PSD3: variants seen among roughly 807,000 people sequenced by gnomAD.
PSD3 encodes pleckstrin and Sec7 domain containing 3.
PSD3 carries 49 observed loss-of-function variants against 105.5 expected under a neutral mutation model. That is an observed-to-expected ratio of 0.46 (90% CI 0.37 to 0.59). The LOEUF (loss-of-function observed/expected upper bound fraction) is 0.59. PSD3 is among the 20% of genes least tolerant of loss of function. PSD3 has a pLI of 0.00. For missense variants in PSD3, 1,561 were observed against 1,263.8 expected (o/e 1.24, Z -3.57); for synonymous variants, 557 against 457.8 (o/e 1.22, Z -2.77).
chr8:18,840,932 T>G (rs1383439936), intron 4 of PSD3, among the ~76,000 whole-genome samples: 3 of 152,232 alleles, frequency 2.0e-5, no homozygotes, highest in Admixed American at 2.0e-4. Context: ...CATCTGGGTG[T>G]GTGTGTGTCT....
At chr8:18,718,056 T>C (rs750944876) in intron 9 of PSD3, among the ~76,000 whole-genome samples, 4 of 152,166 alleles carry the variant, frequency 2.6e-5, no homozygotes, top group Non-Finnish European at 5.9e-5. Flanking sequence ...CAGTCTTTCT[T>C]CAAGCACATT....
At chr8:18,679,555 G>T (rs905197884) in intron 9 of PSD3, among the ~76,000 whole-genome samples, 1 of 152,096 alleles carries the variant, frequency 6.6e-6, no homozygotes, top group Non-Finnish European at 1.5e-5. Flanking sequence ...TTCCACAGAG[G>T]AAATAACCCC....
At chr8:18,850,107 C>G (rs1586218632) in intron 4 of PSD3, among the ~76,000 whole-genome samples, 1 of 152,328 alleles carries the variant, frequency 6.6e-6, no homozygotes, top group Non-Finnish European at 1.5e-5. Context: ...ATGTACTTCT[C>G]TGTTCAACAA....
intron 10 of PSD3, among the ~76,000 whole-genome samples, chr8:18,653,049 C>G (rs1808629212): frequency 1.3e-5 from 2 of 152,146 alleles, no homozygotes; most frequent in Admixed American, 1.3e-4. Context: ...AGGATGATAA[C>G]AGAGAGATCT....
At chr8:18,571,764 G>C (rs1802155326) in intron 14 of PSD3, among the ~76,000 whole-genome samples, 2 of 152,142 alleles carry the variant, frequency 1.3e-5, no homozygotes, top group African/African-American at 4.8e-5. Flanking sequence ...CCAACACTTG[G>C]TCGATCATAG....
At chr8:18,814,660 T>C (rs1812050652) in intron 4 of PSD3, among the ~76,000 whole-genome samples, 3 of 152,138 alleles carry the variant, frequency 2.0e-5, no homozygotes. Context: ...GAAATAGAAA[T>C]ACATTTAGAT....
At chr8:18,647,326 T>G (rs1174846409) in intron 10 of PSD3, among the ~76,000 whole-genome samples, 1 of 152,220 alleles carries the variant, frequency 6.6e-6, no homozygotes, top group Non-Finnish European at 1.5e-5. Flanking sequence ...CCACCTCACC[T>G]AATTAGCCAG....
At chr8:18,781,192 A>T (rs1226709792) in intron 8 of PSD3, among the ~76,000 whole-genome samples, 1 of 152,098 alleles carries the variant, frequency 6.6e-6, no homozygotes, top group Non-Finnish European at 1.5e-5. Flanking sequence ...TTTCCAGTTT[A>T]TTTTTACTTA....
chr8:18,556,461 A>C (rs1348729033), intron 14 of PSD3, 109 bp from the exon 15 acceptor site: 2 of 1,129,626 alleles, frequency 1.8e-6, no homozygotes, highest in Non-Finnish European at 2.5e-6. Flanking sequence ...ATTCACTAAA[A>C]CAGCCCAATG....
intron 14 of PSD3, among the ~76,000 whole-genome samples, chr8:18,560,218 A>C (rs2054896): frequency 0.27 from 40,633 of 151,620 alleles, 5,593 homozygotes; most frequent in East Asian, 0.42. Flanking sequence ...ACAAACAAAA[A>C]AACAACAACA....
chr8:18,549,047 C>A (rs1424511162), intron 15 of PSD3, among the ~76,000 whole-genome samples: 1 of 152,154 alleles, frequency 6.6e-6, no homozygotes, highest in African/African-American at 2.4e-5. Context: ...CTCCCACTTT[C>A]CCCAGTGGAA....
chr8:19,043,074 T>TA (rs1372315121), intron 1 of PSD3, among the ~76,000 whole-genome samples: 1 of 152,104 alleles, frequency 6.6e-6, no homozygotes, highest in Non-Finnish European at 1.5e-5. Flanking sequence ...AAGAGGCTTA[T>TA]AAAAAATGGG....
chr8:18,591,960 C>T (rs576265425), intron 12 of PSD3, among the ~76,000 whole-genome samples: 9 of 152,112 alleles, frequency 5.9e-5, no homozygotes, highest in Admixed American at 2.0e-4. Context: ...TGTAGCAAGC[C>T]AGTCTCTATA....
chr8:18,773,573 T>C (rs1318104831), intron 8 of PSD3, among the ~76,000 whole-genome samples: 1 of 151,894 alleles, frequency 6.6e-6, no homozygotes, highest in African/African-American at 2.4e-5. Context: ...TATAGTATAA[T>C]ATATAAAAAA....
In PSD3 at chr8:18,759,681, G is replaced by A. The variant is rs147138481; in HGVS notation, c.2172+5768C>T. On this transcript the variant is annotated intron_variant, in intron 9 of 15. Coordinates refer to ENST00000327040, the MANE Select transcript of PSD3 (RefSeq NM_015310.4). Reference sequence around the variant, plus strand: ...GGAAAGTGGGATAGAAAACAATTGGGTTCATGTCATATCAAAATCTACAGT... The same window carrying A: ...GGAAAGTGGGATAGAAAACAATTGGATTCATGTCATATCAAAATCTACAGT... Among the ~76,000 whole-genome samples, 95 of 152,176 alleles carry A rather than the reference G, an allele frequency of 6.2e-4. 1 individual carries two copies. In the East Asian group the frequency reaches 9.5e-3, roughly 15 times the overall value.
At chr8:18,559,661 T>C (rs1801277945) in intron 14 of PSD3, among the ~76,000 whole-genome samples, 1 of 152,128 alleles carries the variant, frequency 6.6e-6, no homozygotes, top group South Asian at 2.1e-4. Flanking sequence ...TCTATGCAAA[T>C]ATGCTTTCAG....
intron 9 of PSD3, among the ~76,000 whole-genome samples, chr8:18,668,511 G>A (rs1799609293): frequency 6.6e-6 from 1 of 152,132 alleles, no homozygotes; most frequent in African/African-American, 2.4e-5. Context: ...TATGAGAGAG[G>A]TAGTATTATT....
chr8:18,769,959 G>A (rs565223858), intron 8 of PSD3, among the ~76,000 whole-genome samples: 57 of 152,230 alleles, frequency 3.7e-4, no homozygotes, highest in Non-Finnish European at 6.5e-4. Flanking sequence ...ATAAGTTTCT[G>A]TGTAAACATG....
intron 10 of PSD3, among the ~76,000 whole-genome samples, chr8:18,653,679 C>T (rs893597964): frequency 2.6e-5 from 4 of 152,090 alleles, no homozygotes; most frequent in Non-Finnish European, 4.4e-5. Flanking sequence ...TCCCGCCCCT[C>T]CACCCTTGGG....
Sources: allele counts gnomAD v4.1 joint callset (sites outside exome capture counted in the v4.1 genomes callset), GRCh38; gene constraint gnomAD v4.1.1; transcripts MANE v1.5; gene names NCBI Gene and HGNC (gene_info 2026-07-23, HGNC 2026-07-21).